The following ANK2 variants were observed in gnomAD, a reference collection of about 807,000 sequenced individuals.
ANK2 encodes the protein ankyrin-2.
In ANK2, 83 loss-of-function variants were observed where a neutral mutation model predicts 360.5. That is an observed-to-expected ratio of 0.23 (90% confidence interval 0.19 to 0.28). The LOEUF is 0.28. Among genes scored for constraint, ANK2 ranks in the 10% least tolerant of loss-of-function variants. ANK2 has a pLI of 1.00. For synonymous variants in ANK2, 1,740 were observed against 1,759.5 expected (o/e 0.99, Z 0.28); for missense variants, 4,201 against 4,795.7 (o/e 0.88, Z 3.66).
At chr4:112,924,333 A>C (rs1553997304) in intron 2 of ANK2, among the ~76,000 whole-genome samples, 1 of 151,030 alleles carries the variant, frequency 6.6e-6, no homozygotes, top group Non-Finnish European at 1.5e-5. Flanking sequence ...GCACCACTGC[A>C]CTCCAGCCTG....
chr4:113,069,567 A>T (rs1037987632), intron 1 of ANK2, among the ~76,000 whole-genome samples: 2 of 152,214 alleles, frequency 1.3e-5, no homozygotes, highest in African/African-American at 4.8e-5. Flanking sequence ...CTGCTATCTG[A>T]TACCTTAAAT....
At chr4:113,047,409 A>G (rs191612794), upstream of ANK2, among the ~76,000 whole-genome samples, 7 of 152,338 alleles carry the variant, frequency 4.6e-5, no homozygotes, top group Admixed American at 3.9e-4. Flanking sequence ...CACAGTAGTT[A>G]GCACAATGTG....
At chr4:113,047,834 A>G (rs1180194404), upstream of ANK2, among the ~76,000 whole-genome samples, 1 of 152,048 alleles carries the variant, frequency 6.6e-6, no homozygotes, top group Non-Finnish European at 1.5e-5. Context: ...TTGACTCCAG[A>G]TGATGACGTG....
At chr4:112,834,266 T>TTA (rs1369003949) in intron 1 of ANK2, among the ~76,000 whole-genome samples, 2 of 152,218 alleles carry the variant, frequency 1.3e-5, no homozygotes, top group African/African-American at 4.8e-5. Context: ...GGTTTGGTGG[T>TTA]TATATTTAAA....
intron 2 of ANK2, among the ~76,000 whole-genome samples, chr4:112,949,135 G>T (rs1187394326): frequency 2.0e-5 from 3 of 152,134 alleles, no homozygotes; most frequent in Admixed American, 6.5e-5. Flanking sequence ...TGCCTGTCAA[G>T]TGAAGATGAC....
At chr4:112,994,045 A>T (rs1472749011) in intron 2 of ANK2, among the ~76,000 whole-genome samples, 1 of 152,182 alleles carries the variant, frequency 6.6e-6, no homozygotes, top group African/African-American at 2.4e-5. Context: ...CCACACAAAC[A>T]TATTTTCATT....
chr4:113,116,720 A>G (rs1257360933), intron 1 of ANK2, among the ~76,000 whole-genome samples: 2 of 152,246 alleles, frequency 1.3e-5, no homozygotes, highest in African/African-American at 2.4e-5. Context: ...CAGCAGCAGC[A>G]GCAGAGTCCT....
At chr4:113,293,804 G>A (rs2069325608) in intron 22 of ANK2, among the ~76,000 whole-genome samples, 3 of 152,070 alleles carry the variant, frequency 2.0e-5, no homozygotes, top group Non-Finnish European at 4.4e-5. Context: ...CTTTTTCTGT[G>A]ACTGGCTTCT....
At chr4:113,093,669 G>T (rs748417507) in intron 1 of ANK2, among the ~76,000 whole-genome samples, 1 of 152,126 alleles carries the variant, frequency 6.6e-6, no homozygotes, top group Non-Finnish European at 1.5e-5. Flanking sequence ...TGTTTATTAC[G>T]CAATAATGCC....
chr4:113,367,050 A>G (rs979473020), intron 41 of ANK2, among the ~76,000 whole-genome samples: 1 of 152,152 alleles, frequency 6.6e-6, no homozygotes, highest in Non-Finnish European at 1.5e-5. Flanking sequence ...CTCTACATAA[A>G]AAGAGTACTA....
At chr4:113,010,962 A>T (rs557905156) in intron 2 of ANK2, among the ~76,000 whole-genome samples, 48 of 152,202 alleles carry the variant, frequency 3.2e-4, no homozygotes, top group African/African-American at 8.7e-4. Context: ...ACCTCTAGTG[A>T]AGCAAGAATA....
At chr4:113,054,925 T>C (rs2068864592) in intron 1 of ANK2, among the ~76,000 whole-genome samples, 1 of 152,196 alleles carries the variant, frequency 6.6e-6, no homozygotes, top group Non-Finnish European at 1.5e-5. Context: ...TAATTTATCC[T>C]TTTTAGAGCA....
chr4:112,972,783 CCAA>C (rs2040000692), intron 2 of ANK2, among the ~76,000 whole-genome samples: 1 of 151,960 alleles, frequency 6.6e-6, no homozygotes, highest in Non-Finnish European at 1.5e-5. Context: ...TGTCCATTGA[CCAA>C]CGAGTGGATA....
rs538261257 is a variant in ANK2 at position 113,383,430 on chromosome 4, G to A, written c.*1959G>A. The A allele has an allele frequency of 2.0e-5, 3 of 152,554 alleles. No homozygotes were observed. The highest frequency in any genetic ancestry group is 4.4e-5 in the Non-Finnish European group (3 of 68,028). 9.5% of individuals were successfully genotyped at this position (152,554 alleles called of 1,614,324 possible). A position where few individuals can be genotyped will look rare whatever the true frequency, so the allele number is the denominator to read the frequency against. Reference sequence around the variant, plus strand: ...GGCCTTCTTGTCAAAACCTTCACTGGAGCTCAAGAAAAGCATTTCTGTTGT... The same window carrying A: ...GGCCTTCTTGTCAAAACCTTCACTGAAGCTCAAGAAAAGCATTTCTGTTGT... On this transcript the variant is annotated 3_prime_UTR_variant, in exon 46 of 46. Coordinates refer to ENST00000357077, the MANE Select transcript of ANK2 (RefSeq NM_001148.6).
rs59128625 is a variant in ANK2, at chr4:113,019,464, G to A, written c.21+114950G>A. 5.0e-3 allele frequency among the ~76,000 whole-genome samples: 749 copies of A among 150,474 alleles called. 8 individuals carry two copies. The highest frequency in any genetic ancestry group is 0.018 in the African/African-American group (701 of 39,840). Reference sequence around the variant, plus strand: ...TCAGGTATAATAAAACACACACAAAGTATTCCAGAAAAAATTGTATTTGTT... The same window carrying A: ...TCAGGTATAATAAAACACACACAAAATATTCCAGAAAAAATTGTATTTGTT... On this transcript the variant is annotated intron_variant, in intron 2 of 30. Transcript: ENST00000503271.
intron 2 of ANK2, among the ~76,000 whole-genome samples, chr4:112,997,014 T>C (rs1336468846): frequency 5.3e-5 from 8 of 152,264 alleles, no homozygotes; most frequent in African/African-American, 2.4e-5. Flanking sequence ...CTAGTATATC[T>C]TCACCAGTTA....
chr4:112,781,162 G>C, the ANK2 span, among the ~76,000 whole-genome samples: 1 of 152,064 alleles, frequency 6.6e-6, no homozygotes, highest in South Asian at 2.1e-4. Flanking sequence ...ACCACGCCTG[G>C]ATAATTTTTT....
At chr4:113,069,398 A>G (rs2076755595) in intron 1 of ANK2, among the ~76,000 whole-genome samples, 1 of 152,244 alleles carries the variant, frequency 6.6e-6, no homozygotes, top group Admixed American at 6.5e-5. Context: ...TACAGTGGAC[A>G]GTGTGCAATA....
intron 39 of ANK2, 103 bp from the exon 40 acceptor site, chr4:113,363,235 C>T (rs576984882): frequency 8.6e-7 from 1 of 1,169,306 alleles, no homozygotes; most frequent in African/African-American, 1.5e-5. Flanking sequence ...CTCAAATACT[C>T]ACCACAATAT....
Sources: allele counts gnomAD v4.1 joint callset (sites outside exome capture counted in the v4.1 genomes callset), GRCh38; gene constraint gnomAD v4.1.1; transcripts MANE v1.5; gene names NCBI Gene and HGNC (gene_info 2026-07-23, HGNC 2026-07-21).